HMBOX1: variants seen among roughly 807,000 people sequenced by gnomAD.
The protein encoded by HMBOX1 is homeobox-containing protein 1.
Under a neutral mutation model 54.5 loss-of-function variants are expected in HMBOX1, and 14 were observed. That is an observed-to-expected ratio of 0.26 (90% confidence interval 0.17 to 0.40). HMBOX1 has a LOEUF of 0.40. HMBOX1 is among the 10% of genes least tolerant of loss of function. HMBOX1 has a pLI of 1.00. For missense variants in HMBOX1, 332 were observed against 514.4 expected (o/e 0.65, Z 3.43); for synonymous variants, 160 against 181.0 (o/e 0.88, Z 0.93).
intron 6 of HMBOX1, among the ~76,000 whole-genome samples, chr8:29,031,514 G>A (rs1426027295): frequency 6.6e-6 from 1 of 151,394 alleles, no homozygotes; most frequent in Non-Finnish European, 1.5e-5. Flanking sequence ...TTAATAGTCT[G>A]TACATTTTTT....
At chr8:28,914,904 A>G (rs1415670099) in intron 1 of HMBOX1, among the ~76,000 whole-genome samples, 1 of 152,268 alleles carries the variant, frequency 6.6e-6, no homozygotes, top group Non-Finnish European at 1.5e-5. Flanking sequence ...GAAATTCCGC[A>G]GAACATATTT....
At chr8:28,997,790 A>G (rs1041712279) in intron 4 of HMBOX1, among the ~76,000 whole-genome samples, 37 of 152,060 alleles carry the variant, frequency 2.4e-4, no homozygotes, top group African/African-American at 8.5e-4. Flanking sequence ...GCCTCAAGTG[A>G]TCCTCCCTCC....
At position 28,937,617 on chromosome 8, in the gene HMBOX1, C is replaced by T. The variant is rs146244380; in HGVS notation, c.-57-26194C>T. On this transcript the variant is annotated intron_variant, in intron 1 of 9. Coordinates refer to ENST00000287701, the MANE Select transcript of HMBOX1 (RefSeq NM_001135726.3). ...CTAGAGATCTCATCTTTGTATCTTC[C>T]GTAATATTTTGCACAAAGTGGAGGT... Among the ~76,000 whole-genome samples the T allele has an allele frequency of 3.3e-3, 497 of 152,164 alleles. 7 individuals carry two copies. The highest frequency in any genetic ancestry group is 0.011 in the African/African-American group (462 of 41,524).
chr8:29,021,679 C>A (rs1433683275), intron 6 of HMBOX1, among the ~76,000 whole-genome samples: 2 of 151,682 alleles, frequency 1.3e-5, no homozygotes, highest in South Asian at 2.1e-4. Context: ...CACAGTGAAA[C>A]CCTGTCTCTA....
chr8:28,991,960 C>T (rs902169739), intron 4 of HMBOX1, among the ~76,000 whole-genome samples: 1 of 152,156 alleles, frequency 6.6e-6, no homozygotes, highest in Admixed American at 6.5e-5. Flanking sequence ...ACTTGAGAAG[C>T]AGGTGTTAAC....
chr8:29,047,555 C>T (rs1023562985), intron 8 of HMBOX1, 102 bp downstream of exon 8: 2 of 560,806 alleles, frequency 3.6e-6, no homozygotes, highest in African/African-American at 2.0e-5. Context: ...CTAAAGGATC[C>T]TAACTTCTCT....
intron 7 of HMBOX1, among the ~76,000 whole-genome samples, chr8:29,046,657 A>C (rs954712063): frequency 6.6e-6 from 1 of 152,196 alleles, no homozygotes; most frequent in Non-Finnish European, 1.5e-5. Context: ...GATGTAAGTA[A>C]ATTTCTGTTG....
At position 29,052,175 on chromosome 8, in the gene HMBOX1, C is replaced by G. The variant is rs1806500602; in HGVS notation, c.*1020C>G. On this transcript the variant is annotated 3_prime_UTR_variant, in exon 10 of 10. Transcript: ENST00000287701. ...AGTGTTTGTATCCATTAAACGGAAG[C>G]CCCCTCACTCTGAGAGGTCACTAGA... The G allele has an allele frequency of 6.5e-6, 1 of 152,910 alleles. No individual in the cohort carries two copies. Among genetic ancestry groups the G allele is most frequent in the Admixed American group, 6.5e-5 (1 of 15,438 alleles). 9.5% of individuals were successfully genotyped at this position (152,910 alleles called of 1,614,324 possible).
rs934410238 is a variant in HMBOX1 at position 28,942,952 on chromosome 8, G to A, written c.-57-20859G>A. Among the ~76,000 whole-genome samples the A allele has an allele frequency of 5.3e-5, 8 of 152,230 alleles. No individual in the cohort carries two copies. The East Asian group carries it at 1.5e-3, about 29-fold the overall frequency. ...CTTTTCAGTTACTAAACTCTGAGGGGCTTTGTTTGGCTTTTTGGCTTTTGT... is the reference window on the plus strand; with the variant it reads ...CTTTTCAGTTACTAAACTCTGAGGGACTTTGTTTGGCTTTTTGGCTTTTGT... On this transcript the variant is annotated intron_variant, in intron 1 of 9. Transcript: ENST00000287701.
chr8:29,040,125 T>C (rs2133291113), intron 6 of HMBOX1, among the ~76,000 whole-genome samples: 1 of 152,340 alleles, frequency 6.6e-6, no homozygotes, highest in African/African-American at 2.4e-5. Context: ...CACAGAGATA[T>C]CACTCTTTTC....
In HMBOX1 at chr8:28,944,030, C is replaced by T. The variant is rs150040557; in HGVS notation, c.-57-19781C>T. On this transcript the variant is annotated intron_variant, in intron 1 of 9. Transcript: ENST00000287701. ...ACAGAGACACCTTCTTGGCTTGTTT[C>T]TCTAGCGCTGACTTTCTACATATTC... is the stretch of plus-strand genomic sequence containing the variant. Among the ~76,000 whole-genome samples the T allele has an allele frequency of 1.8e-3, 277 of 152,296 alleles. 1 individual carries two copies. Among genetic ancestry groups the T allele is most frequent in the African/African-American group, 6.4e-3 (264 of 41,572 alleles).
Position 29,051,286 on chromosome 8 carries a change from T to C in HMBOX1, c.*131T>C, listed in dbSNP as rs549876341. 6.2e-6 allele frequency: 6 copies of C among 973,278 alleles called. No individual in the cohort carries two copies. In the African/African-American group the frequency reaches 9.7e-5, roughly 16 times the overall value. 60.3% of individuals were successfully genotyped at this position (973,278 alleles called of 1,614,324 possible). ...GTATGTCAGGTAGCTGTTAGGGTCT[T>C]GTTCTGTGAAGATGGCATGGTGCCC... On this transcript the variant is annotated 3_prime_UTR_variant, in exon 10 of 10. Coordinates refer to ENST00000287701, the MANE Select transcript of HMBOX1 (RefSeq NM_001135726.3).
intron 6 of HMBOX1, among the ~76,000 whole-genome samples, chr8:29,032,590 AAT>A (rs1803175294): frequency 6.6e-6 from 1 of 152,220 alleles, no homozygotes. Flanking sequence ...AAATTTGGGC[AAT>A]ATCTTTGCCA....
chr8:28,918,135 T>C (rs1816891621), intron 1 of HMBOX1, among the ~76,000 whole-genome samples: 1 of 152,212 alleles, frequency 6.6e-6, no homozygotes, highest in Non-Finnish European at 1.5e-5. Flanking sequence ...GCAGTTTTCT[T>C]GGTTGTGATA....
intron 4 of HMBOX1, among the ~76,000 whole-genome samples, chr8:29,008,753 A>G (rs2132834179): frequency 6.6e-6 from 1 of 152,300 alleles, no homozygotes; most frequent in Middle Eastern, 3.4e-3. Context: ...CACAAATATA[A>G]TAAACTCTGA....
chr8:28,918,127 A>G (rs970686803), intron 1 of HMBOX1, among the ~76,000 whole-genome samples: 1 of 152,182 alleles, frequency 6.6e-6, no homozygotes, highest in African/African-American at 2.4e-5. Flanking sequence ...CCAGGCCTGC[A>G]GTTTTCTTGG....
Position 29,051,408 on chromosome 8 carries a change from T to G in HMBOX1, c.*253T>G. The G allele has an allele frequency of 1.5e-6, 1 of 651,314 alleles. No homozygotes were observed. Among genetic ancestry groups the G allele is most frequent in the Non-Finnish European group, 2.8e-6 (1 of 357,128 alleles). The allele number at this position is 651,314 out of a possible 1,614,324, so 40.3% of individuals were successfully genotyped here. On this transcript the variant is annotated 3_prime_UTR_variant, in exon 10 of 10. Coordinates refer to ENST00000287701, the MANE Select transcript of HMBOX1 (RefSeq NM_001135726.3). ...TCTCCCAGCCCCCGAGGCTAGAAAA[T>G]CTTGCTGCTCCGTCTTAGCATTCCA... is the stretch of plus-strand genomic sequence containing the variant.
At chr8:29,012,052 T>G (rs1004160305) in intron 5 of HMBOX1, among the ~76,000 whole-genome samples, 5 of 152,250 alleles carry the variant, frequency 3.3e-5, no homozygotes, top group Non-Finnish European at 7.3e-5. Context: ...TAGCTAGAGA[T>G]AAGAGGGTAA....
chr8:28,995,765 G>A (rs1197263056), intron 4 of HMBOX1, among the ~76,000 whole-genome samples: 2 of 152,146 alleles, frequency 1.3e-5, no homozygotes, highest in African/African-American at 4.8e-5. Context: ...ATTTATGTAT[G>A]TTTTTGGAAA....
Sources: gnomAD v4.1 joint callset for allele counts (sites outside exome capture counted in the v4.1 genomes callset) on GRCh38, gnomAD v4.1.1 for gene constraint, MANE v1.5 for transcripts, NCBI Gene and HGNC (gene_info 2026-07-23, HGNC 2026-07-21) for gene names.